SPINK9: variants seen among roughly 807,000 people sequenced by gnomAD.
SPINK9 encodes the protein serine peptidase inhibitor Kazal type 9, also known as serine protease inhibitor Kazal-type 9.
SPINK9 carries 3 observed loss-of-function variants against 10.8 expected under a neutral mutation model. The ratio of observed to expected loss-of-function variants is 0.28; its 90% CI spans 0.13 to 0.72. The LOEUF is 0.72. Among genes scored for constraint, SPINK9 ranks in the 30% least tolerant of loss-of-function variants. The probability of loss-of-function intolerance (pLI) is 0.74; values close to 1 mark genes in which losing one functional copy is unlikely to be tolerated. For synonymous variants in SPINK9, 30 were observed against 31.2 expected, an observed-to-expected ratio of 0.96 and a Z score of 0.12; for missense variants, 101 against 103.2, an observed-to-expected ratio of 0.98 and a Z score of 0.09.
At position 148,335,590 on chromosome 5, in the gene SPINK9, G is replaced by C. The variant is rs1757205847; in HGVS notation, c.-24G>C. On this transcript the variant is annotated 5_prime_UTR_variant, in exon 1 of 4. Coordinates refer to ENST00000377906, the MANE Select transcript of SPINK9 (RefSeq NM_001040433.2). The stretch of plus-strand genomic sequence containing the variant: ...CAGGTCACTTCTTTTCCCTACATCT[G>C]ACTGCCTTGGCCACTTCAGTACTAT... The C allele has an allele frequency of 6.2e-7, 1 of 1,612,488 alleles. No individual in the cohort carries two copies. Among genetic ancestry groups the C allele is most frequent in the Non-Finnish European group, 8.5e-7 (1 of 1,179,196 alleles).
chr5:148,328,231 A>G (rs1317409177), intron 2 of SPINK9, among the ~76,000 whole-genome samples: 1 of 152,088 alleles, frequency 6.6e-6, no homozygotes. Flanking sequence ...CATCCCTTGT[A>G]AGTTGGATTC....
At chr5:148,329,700 TTG>T (rs1482011399) in intron 2 of SPINK9, among the ~76,000 whole-genome samples, 1 of 152,230 alleles carries the variant, frequency 6.6e-6, no homozygotes, top group Non-Finnish European at 1.5e-5. Flanking sequence ...TTCTGGTATG[TTG>T]TGTCTTTGTT....
chr5:148,336,462 AC>A lies in SPINK9; in HGVS notation c.87+12del. The A allele has an allele frequency of 6.2e-7, 1 of 1,612,998 alleles. No individual in the cohort carries two copies. Among genetic ancestry groups the A allele is most frequent in the Non-Finnish European group, 8.5e-7 (1 of 1,179,206 alleles). ...AACAGACGAAACAGATGGTCAGTACACCCATCCTACTTTTATGTAATTTTAA... is the reference window on the plus strand; with the variant it reads ...AACAGACGAAACAGATGGTCAGTACACCATCCTACTTTTATGTAATTTTAA... On this transcript the variant is annotated intron_variant, in intron 2 of 3. Transcript: ENST00000377906.
intron 2 of SPINK9, among the ~76,000 whole-genome samples, chr5:148,330,449 CTCTT>C (rs1232046418): frequency 6.6e-6 from 1 of 152,164 alleles, no homozygotes; most frequent in Non-Finnish European, 1.5e-5. Context: ...TGGGTCTTGA[CTCTT>C]TATCCAATTT....
At position 148,325,988 on chromosome 5, in the gene SPINK9, C is replaced by T. The variant is rs1468526332; in HGVS notation, c.118+2120C>T. On this transcript the variant is annotated intron_variant, in intron 2 of 4. Coordinates refer to the SPINK9 transcript ENST00000511717. ...AAAAGATTATTCTCCGAAGAATTGT[C>T]TTGGCACCCTTGTCAAAAATCAATT... Among the ~76,000 whole-genome samples the T allele has an allele frequency of 3.9e-5, 6 of 152,212 alleles. No homozygotes were observed. The East Asian group carries it at 7.7e-4, about 20-fold the overall frequency.
intron 2 of SPINK9, chr5:148,323,994 C>T (rs1168811574): frequency 2.1e-6 from 1 of 478,542 alleles, no homozygotes; most frequent in African/African-American, 2.0e-5. Flanking sequence ...ATAATGCATG[C>T]AAACATGCTT....
chr5:148,336,556 C>CT lies in SPINK9; in HGVS notation c.87+106dup. ...AAATTTCTATATGTTTGAATATTTA[C>CT]TTTATGTGTATGAAAACTGGTTTTA... On this transcript the variant is annotated intron_variant, in intron 2 of 3. Coordinates refer to ENST00000377906, the MANE Select transcript of SPINK9 (RefSeq NM_001040433.2). 7 of 1,261,374 alleles carry CT rather than the reference C, an allele frequency of 5.5e-6. No homozygotes were observed. The South Asian group carries it at 6.4e-5, about 12-fold the overall frequency. 78.1% of individuals were successfully genotyped at this position (1,261,374 alleles called of 1,614,324 possible).
chr5:148,331,215 C>T (rs1040285470), upstream of SPINK9, among the ~76,000 whole-genome samples: 7 of 152,198 alleles, frequency 4.6e-5, no homozygotes, highest in Non-Finnish European at 7.3e-5. Context: ...TGTTCCTATT[C>T]GGCCATCTTG....
At chr5:148,323,277 A>C (rs1757019759) in intron 1 of SPINK9, among the ~76,000 whole-genome samples, 1 of 152,134 alleles carries the variant, frequency 6.6e-6, no homozygotes, top group Admixed American at 6.6e-5. Flanking sequence ...GCAGAATTTT[A>C]AAAAGTCATG....
rs570166806 is a variant in SPINK9, at chr5:148,337,305, C to T, written c.87+852C>T. Among the ~76,000 whole-genome samples, 26 of 152,270 alleles carry T rather than the reference C, an allele frequency of 1.7e-4. No homozygotes were observed. The South Asian group carries it at 5.4e-3, about 32-fold the overall frequency. ...AGGCACTGCTGTTTCTATTCTGCTG[C>T]ACTAGCCTCTAAGGTCCTCCTGCCA... On this transcript the variant is annotated intron_variant, in intron 2 of 3. Coordinates refer to ENST00000377906, the MANE Select transcript of SPINK9 (RefSeq NM_001040433.2).
chr5:148,327,385 A>G (rs1288877597), intron 2 of SPINK9, among the ~76,000 whole-genome samples: 1 of 151,876 alleles, frequency 6.6e-6, no homozygotes, highest in Non-Finnish European at 1.5e-5. Context: ...GTTTGAGTTC[A>G]TTGCAGATTC....
At chr5:148,336,915 T>C (rs1030982065) in intron 2 of SPINK9, among the ~76,000 whole-genome samples, 1 of 152,178 alleles carries the variant, frequency 6.6e-6, no homozygotes, top group Non-Finnish European at 1.5e-5. Context: ...ATGAGTATTG[T>C]TGAAAAAATC....
At chr5:148,337,322 C>T (rs1193184563) in intron 2 of SPINK9, among the ~76,000 whole-genome samples, 3 of 152,148 alleles carry the variant, frequency 2.0e-5, no homozygotes, top group Non-Finnish European at 4.4e-5. Context: ...CTCTAAGGTC[C>T]TCCTGCCATT....
intron 2 of SPINK9, among the ~76,000 whole-genome samples, chr5:148,325,973 T>G (rs1757054142): frequency 6.6e-6 from 1 of 152,172 alleles, no homozygotes; most frequent in South Asian, 2.1e-4. Flanking sequence ...AAAAGATTAT[T>G]CTCCGAAGAA....
chr5:148,331,920 A>C (rs1399783951), upstream of SPINK9, among the ~76,000 whole-genome samples: 1 of 152,154 alleles, frequency 6.6e-6, no homozygotes, highest in Non-Finnish European at 1.5e-5. Context: ...GCCAACTGAG[A>C]CTTTGATAGG....
intron 2 of SPINK9, among the ~76,000 whole-genome samples, chr5:148,337,337 C>CA (rs1286528724): frequency 1.3e-5 from 2 of 152,136 alleles, no homozygotes; most frequent in Non-Finnish European, 2.9e-5. Flanking sequence ...GCCATTATGC[C>CA]ATGCATACCT....
rs533092604 is a variant in SPINK9, at chr5:148,330,160, A to C, written c.119-6262A>C. Among the ~76,000 whole-genome samples the C allele has an allele frequency of 2.3e-3, 355 of 152,260 alleles. 1 individual carries two copies. The highest frequency in any genetic ancestry group is 2.6e-3 in the Non-Finnish European group (175 of 68,008). On this transcript the variant is annotated intron_variant, in intron 2 of 4. Transcript: ENST00000511717. Reference sequence around the variant, plus strand: ...AGTCTAAGTCTCTTTGTAGGTCACTAAGGACTTGCTTTATGAATCTGGGTG... The same window carrying C: ...AGTCTAAGTCTCTTTGTAGGTCACTCAGGACTTGCTTTATGAATCTGGGTG...
At chr5:148,331,437 G>C (rs1757148261), upstream of SPINK9, among the ~76,000 whole-genome samples, 1 of 152,180 alleles carries the variant, frequency 6.6e-6, no homozygotes, top group Admixed American at 6.5e-5. Flanking sequence ...ACTCATAGTA[G>C]GAGAGAGTAG....
Position 148,325,852 on chromosome 5 carries a change from C to T in SPINK9, c.118+1984C>T, listed in dbSNP as rs2113411098. ...TTTGGGTTTTTTCTAAAAGTTATTT[C>T]ATTTTTAGATTTTACATGTAACTCT... On this transcript the variant is annotated intron_variant, in intron 2 of 4. Transcript: ENST00000511717. Among the ~76,000 whole-genome samples the T allele has an allele frequency of 3.9e-5, 6 of 152,154 alleles. 1 individual carries two copies. The Middle Eastern group carries it at 0.02, about 518-fold the overall frequency.
Sources: allele counts gnomAD v4.1 joint callset (sites outside exome capture counted in the v4.1 genomes callset), GRCh38; gene constraint gnomAD v4.1.1; transcripts MANE v1.5; gene names NCBI Gene and HGNC (gene_info 2026-07-23, HGNC 2026-07-21).